ZNF565: variants seen among roughly 807,000 people sequenced by gnomAD.
ZNF565 encodes zinc finger protein 565.
ZNF565 carries 27 observed loss-of-function variants against 39.4 expected under a neutral mutation model. The ratio of observed to expected loss-of-function variants is 0.69; its 90% CI spans 0.51 to 0.95. The LOEUF is 0.95. Ranked by LOEUF, ZNF565 falls within the 40% of genes least tolerant of loss-of-function variation. The pLI, the probability that ZNF565 is intolerant of heterozygous loss-of-function variation, is 0.00. For missense variants in ZNF565, 524 were observed against 621.1 expected, an observed-to-expected ratio of 0.84 and a Z score of 1.66; for synonymous variants, 185 against 216.6, an observed-to-expected ratio of 0.85 and a Z score of 1.28.
chr19:36,186,021 G>A (rs1321957448), intron 4 of ZNF565, among the ~76,000 whole-genome samples: 2 of 150,694 alleles, frequency 1.3e-5, no homozygotes, highest in East Asian at 2.0e-4. Flanking sequence ...ATTTGACATG[G>A]GGTCTTGCTC....
At chr19:36,225,274 C>T (rs1977018027) in intron 1 of ZNF565, among the ~76,000 whole-genome samples, 2 of 152,050 alleles carry the variant, frequency 1.3e-5, no homozygotes, top group African/African-American at 2.4e-5. Flanking sequence ...AACAACAATC[C>T]CTCAAAATTT....
In ZNF565 at chr19:36,210,506, A is replaced by G. The variant is rs1051197204; in HGVS notation, c.-66+4116T>C. 7.2e-5 allele frequency among the ~76,000 whole-genome samples: 11 copies of G among 152,118 alleles called. No individual in the cohort carries two copies. In the East Asian group the frequency reaches 1.9e-3, roughly 27 times the overall value. ...GTGTTGCACTGAAATTGGAGATACT[A>G]TATGAACTCATGAATTATTTGTATA... On this transcript the variant is annotated intron_variant, in intron 1 of 4. Transcript: ENST00000304116.
At chr19:36,221,722 T>C (rs1976847566) in intron 1 of ZNF565, among the ~76,000 whole-genome samples, 1 of 152,178 alleles carries the variant, frequency 6.6e-6, no homozygotes, top group Non-Finnish European at 1.5e-5. Context: ...CTTTGTCTTA[T>C]GTAAACATGT....
chr19:36,201,335 G>A (rs936700271), intron 2 of ZNF565, among the ~76,000 whole-genome samples: 2 of 151,994 alleles, frequency 1.3e-5, no homozygotes, highest in Non-Finnish European at 2.9e-5. Context: ...ACAGAAGAAA[G>A]AAACCACCCA....
intron 1 of ZNF565, among the ~76,000 whole-genome samples, chr19:36,225,349 T>C (rs1478417842): frequency 2.0e-5 from 3 of 152,244 alleles, no homozygotes; most frequent in African/African-American, 7.2e-5. Flanking sequence ...CCTATTCTTC[T>C]GTTTTCTGTC....
chr19:36,201,215 T>C (rs556679161), intron 2 of ZNF565, among the ~76,000 whole-genome samples: 2 of 152,046 alleles, frequency 1.3e-5, no homozygotes, highest in South Asian at 2.1e-4. Flanking sequence ...GGTGGGAGGA[T>C]TGCTTAAGCC....
upstream of ZNF565, among the ~76,000 whole-genome samples, chr19:36,215,383 T>C (rs1174168460): frequency 6.6e-6 from 1 of 152,018 alleles, no homozygotes; most frequent in Non-Finnish European, 1.5e-5. Flanking sequence ...AAGTTTGACC[T>C]GATGTTTGGG....
In ZNF565 at chr19:36,182,814, G is replaced by T; in HGVS notation, c.1152C>A (p.Val384=). The T allele has an allele frequency of 6.2e-7, 1 of 1,613,920 alleles. No homozygotes were observed. Among genetic ancestry groups the T allele is most frequent in the Non-Finnish European group, 8.5e-7 (1 of 1,179,988 alleles). ...QHAQLTRHQR[V]HTGDRPYECK... The stretch of plus-strand genomic sequence containing the variant: ...ATTCATAGGGTCTGTCGCCAGTATG[G>T]ACTCTCTGATGTCGTGTGAGCTGTG... Residue 384 remains valine (V), a synonymous_variant, in exon 5 of 5, where the codon GTC becomes GTA. Transcript: ENST00000304116.
chr19:36,206,006 G>A (rs528691061), intron 1 of ZNF565, among the ~76,000 whole-genome samples: 1 of 150,884 alleles, frequency 6.6e-6, no homozygotes, highest in East Asian at 1.9e-4. Flanking sequence ...CTGTCACCGA[G>A]GCTGGAGTGC....
chr19:36,229,507 C>CAAA, intron 1 of ZNF565, among the ~76,000 whole-genome samples: 1 of 152,274 alleles, frequency 6.6e-6, no homozygotes, highest in South Asian at 2.1e-4. Context: ...CTTAGTCCTG[C>CAAA]AGTTTTTTTG....
chr19:36,234,506 A>G (rs4315447), intron 1 of ZNF565, among the ~76,000 whole-genome samples: 2 of 151,990 alleles, frequency 1.3e-5, no homozygotes, highest in Admixed American at 6.6e-5. Flanking sequence ...TTTTAAAATT[A>G]CAGAATGTAA....
rs749536981 is a variant in ZNF565 at position 36,183,565 on chromosome 19, T to C, written c.401A>G (p.Tyr134Cys). The C allele has an allele frequency of 1.2e-6, 2 of 1,614,224 alleles. No homozygotes were observed. Among genetic ancestry groups the C allele is most frequent in the Admixed American group, 1.7e-5 (1 of 60,006 alleles). Residue 134 changes from tyrosine to cysteine, a missense_variant, in exon 5 of 5, where the codon TAT becomes TGT. Physicochemically the swap from Tyr to Cys is radical, Grantham distance 194. Coordinates refer to ENST00000304116, the MANE Select transcript of ZNF565 (RefSeq NM_152477.5). ...QFERQVNEEC[Y>C]FKQVNVTYGH... The stretch of plus-strand genomic sequence containing the variant: ...ATAGGTGACGTTCACTTGCTTAAAA[T>C]AGCACTCTTCATTGACTTGTCTCTC...
At chr19:36,220,626 A>G (rs183089012) in intron 1 of ZNF565, among the ~76,000 whole-genome samples, 145 of 152,246 alleles carry the variant, frequency 9.5e-4, no homozygotes, top group African/African-American at 3.3e-3. Context: ...TTGGCCTCCC[A>G]AAGCGCTGGG....
At chr19:36,231,263 G>A (rs1438646608) in intron 1 of ZNF565, among the ~76,000 whole-genome samples, 1 of 152,016 alleles carries the variant, frequency 6.6e-6, no homozygotes, top group African/African-American at 2.4e-5. Context: ...AGGTTGGAGT[G>A]CGGTGGTGCC....
chr19:36,225,404 T>G (rs1568431638), intron 1 of ZNF565, among the ~76,000 whole-genome samples: 1 of 152,342 alleles, frequency 6.6e-6, no homozygotes, highest in East Asian at 1.9e-4. Context: ...ATTTCCTCTG[T>G]TTATCTTTTG....
upstream of ZNF565, among the ~76,000 whole-genome samples, chr19:36,216,650 C>T (rs1347099419): frequency 6.6e-6 from 1 of 151,700 alleles, no homozygotes; most frequent in Non-Finnish European, 1.5e-5. Flanking sequence ...AGCGAGATTC[C>T]GTCTCAATAA....
rs530218130 is a variant in ZNF565 at position 36,245,327 on chromosome 19, G to T, written c.55+149C>A. ...TATGACCCCAGCTCAGTTCTAAGCC[G>T]AGGGGCTGCTGCCGGACATTCTAGG... On this transcript the variant is annotated intron_variant, in intron 1 of 4. Transcript: ENST00000355114. This position sits in a 1 kb window ranked among gnomAD's most constrained non-coding sequence, Gnocchi z 4.4. 2.5e-5 allele frequency: 16 copies of T among 646,342 alleles called. No individual in the cohort carries two copies. In the African/African-American group the frequency reaches 2.7e-4, roughly 11 times the overall value. The allele number at this position is 646,342 out of a possible 1,614,324, so 40.0% of individuals were successfully genotyped here. A position where few individuals can be genotyped will look rare whatever the true frequency, so the allele number is the denominator to read the frequency against.
Position 36,194,824 on chromosome 19 carries a change from C to T in ZNF565, c.136+206G>A, listed in dbSNP as rs988096485. On this transcript the variant is annotated intron_variant, in intron 3 of 4. Transcript: ENST00000304116. ...AGAGAGAGCACCAGGCATTTCTTACCCTCCTCTCTCCCTCCTTTGACCCAG... is the reference window on the plus strand; with the variant it reads ...AGAGAGAGCACCAGGCATTTCTTACTCTCCTCTCTCCCTCCTTTGACCCAG... The T allele has an allele frequency of 1.3e-5, 9 of 714,260 alleles. No homozygotes were observed. In the Admixed American group the frequency reaches 1.3e-4, roughly 10 times the overall value. 44.2% of individuals were successfully genotyped at this position (714,260 alleles called of 1,614,324 possible). A position where few individuals can be genotyped will look rare whatever the true frequency, so the allele number is the denominator to read the frequency against.
At chr19:36,244,084 C>T (rs955388495) in intron 1 of ZNF565, among the ~76,000 whole-genome samples, 3 of 151,860 alleles carry the variant, frequency 2.0e-5, no homozygotes, top group African/African-American at 7.3e-5. Flanking sequence ...CTGCCACTGC[C>T]GTAGCTGTCA....
Sources: gnomAD v4.1 joint callset for allele counts (sites outside exome capture counted in the v4.1 genomes callset) on GRCh38, gnomAD v4.1.1 for gene constraint, Gnocchi (gnomAD v3.1) non-coding constraint, MANE v1.5 for transcripts, NCBI Gene and HGNC (gene_info 2026-07-23, HGNC 2026-07-21) for gene names.